The following PCNX2 variants were observed in gnomAD, a reference collection of about 807,000 sequenced individuals.
PCNX2 encodes pecanex-like protein 2.
In PCNX2, 168 loss-of-function variants were observed where a neutral mutation model predicts 223.8. The ratio of observed to expected loss-of-function variants is 0.75; its 90% CI spans 0.66 to 0.85. The LOEUF is 0.85. PCNX2 is among the 40% of genes least tolerant of loss of function. The probability of loss-of-function intolerance (pLI) is 0.00; values close to 1 mark genes in which losing one functional copy is unlikely to be tolerated. For synonymous variants in PCNX2, 1,006 were observed against 1,052.6 expected (o/e 0.96, Z 0.86); for missense variants, 2,507 against 2,675.5 (o/e 0.94, Z 1.39).
intron 28 of PCNX2, among the ~76,000 whole-genome samples, chr1:233,013,868 T>C (rs1341207778): frequency 6.6e-6 from 1 of 152,156 alleles, no homozygotes; most frequent in Non-Finnish European, 1.5e-5. Flanking sequence ...TTTAAAAGCC[T>C]GACAGGAGGT....
rs1421123742 is a variant in PCNX2, at chr1:233,259,063, G to A, written c.799C>T (p.Leu267=). The change falls in exon 5 of 34, where the codon CTA becomes TTA. Residue 267 remains leucine, a synonymous_variant. Coordinates refer to ENST00000258229, the MANE Select transcript of PCNX2 (RefSeq NM_014801.4). Reference sequence around the variant, plus strand: ...GGCTGGAAAGAAACGTCTGTTTCTAGTAAGTCATACTGAGACAAAGACAGG... The same window carrying A: ...GGCTGGAAAGAAACGTCTGTTTCTAATAAGTCATACTGAGACAAAGACAGG... ...PHLSLSQYDL[L]ETDVSFQPWG... 4 of 1,613,992 alleles carry A rather than the reference G, an allele frequency of 2.5e-6. No homozygotes were observed. Among genetic ancestry groups the A allele is most frequent in the African/African-American group, 1.3e-5 (1 of 75,058 alleles).
In PCNX2 at chr1:232,999,160, C is replaced by G. The variant is rs1669980267; in HGVS notation, c.5548G>C (p.Gly1850Arg). 5.6e-6 allele frequency: 9 copies of G among 1,613,788 alleles called. No homozygotes were observed. The highest frequency in any genetic ancestry group is 7.6e-6 in the Non-Finnish European group (9 of 1,179,862). Reference protein sequence around the residue: ...GTHRQLKNIWGGPITLDRIRT... With the variant: ...GTHRQLKNIWRGPITLDRIRT... ...ATTCTGTCCAAAGTGATGGGTCCACCCCAGATGTTCTTCAGCTGCCTGTGT... is the reference window on the plus strand; with the variant it reads ...ATTCTGTCCAAAGTGATGGGTCCACGCCAGATGTTCTTCAGCTGCCTGTGT... The change falls in exon 31 of 34, where the codon GGT (glycine) becomes CGT (arginine). Residue 1850 changes from glycine (G) to arginine (R), a missense_variant. By Grantham distance (125) the Gly-to-Arg change is moderately radical. Transcript: ENST00000258229.
rs552339354 is a variant in PCNX2 at position 233,026,100 on chromosome 1, A to C, written c.4352-701T>G. Reference sequence around the variant, plus strand: ...TCAGGTTAAAGAAGACAGACACAAAAAAATAATAATAAAGCAAAAAAGGTC... The same window carrying C: ...TCAGGTTAAAGAAGACAGACACAAACAAATAATAATAAAGCAAAAAAGGTC... On this transcript the variant is annotated intron_variant, in intron 25 of 33. Transcript: ENST00000258229. Among the ~76,000 whole-genome samples, 7 of 152,316 alleles carry C rather than the reference A, an allele frequency of 4.6e-5. No homozygotes were observed. In the East Asian group the frequency reaches 1.4e-3, roughly 29 times the overall value.
At chr1:233,185,131 A>T (rs1395172060) in intron 15 of PCNX2, among the ~76,000 whole-genome samples, 1 of 129,636 alleles carries the variant, frequency 7.7e-6, no homozygotes, top group East Asian at 2.4e-4. Flanking sequence ...ACACACACAC[A>T]TCCCTCAGAT....
chr1:233,114,858 T>A (rs1675315562), intron 21 of PCNX2, among the ~76,000 whole-genome samples: 2 of 152,078 alleles, frequency 1.3e-5, no homozygotes, highest in African/African-American at 4.8e-5. Flanking sequence ...GGCACCACGG[T>A]CTTAGGGAAG....
At chr1:233,133,043 G>A (rs1558265657) in intron 21 of PCNX2, among the ~76,000 whole-genome samples, 1 of 151,798 alleles carries the variant, frequency 6.6e-6, no homozygotes, top group Non-Finnish European at 1.5e-5. Flanking sequence ...AGGCTACAGG[G>A]GCATGCCACT....
In PCNX2 at chr1:232,990,250, T is replaced by C. The variant is rs1669646219; in HGVS notation, c.5792-3710A>G. ...CCAGGCAGAGCCGCCCCTCCCGTTGTGGTAGCCTCCTTCTTGGGCTTGCTC... is the reference window on the plus strand; with the variant it reads ...CCAGGCAGAGCCGCCCCTCCCGTTGCGGTAGCCTCCTTCTTGGGCTTGCTC... On this transcript the variant is annotated intron_variant, in intron 32 of 33. Coordinates refer to ENST00000258229, the MANE Select transcript of PCNX2 (RefSeq NM_014801.4). The surrounding 1 kb of genome is among the most constrained non-coding windows in gnomAD (Gnocchi z 4.3). Among the ~76,000 whole-genome samples the C allele has an allele frequency of 6.6e-6, 1 of 152,162 alleles. No individual in the cohort carries two copies. The highest frequency in any genetic ancestry group is 6.5e-5 in the Admixed American group (1 of 15,272).
At chr1:233,103,012 T>C (rs983513023) in intron 21 of PCNX2, among the ~76,000 whole-genome samples, 25 of 152,100 alleles carry the variant, frequency 1.6e-4, no homozygotes, top group Non-Finnish European at 3.4e-4. Context: ...TCTTATATTA[T>C]TTAAGTCTTT....
rs1026946217 is a variant in PCNX2 at position 233,110,094 on chromosome 1, A to C, written c.3838-14231T>G. ...ACAGAGGGAGACCCTGTCTCAAAAA[A>C]TAAAAAAAATTAAAAAAAGGAAGAT... On this transcript the variant is annotated intron_variant, in intron 21 of 33. Coordinates refer to ENST00000258229, the MANE Select transcript of PCNX2 (RefSeq NM_014801.4). Among the ~76,000 whole-genome samples the C allele has an allele frequency of 6.5e-4, 99 of 152,342 alleles. 2 individuals are homozygous for C. The highest frequency in any genetic ancestry group is 2.2e-4 in the Non-Finnish European group (15 of 68,042).
Position 233,293,991 on chromosome 1 carries a change from T to A in PCNX2, c.153+1335A>T, listed in dbSNP as rs961454284. On this transcript the variant is annotated intron_variant, in intron 1 of 33. Coordinates refer to ENST00000258229, the MANE Select transcript of PCNX2 (RefSeq NM_014801.4). ...GGAGAATCAGAAAGAAGAAATAAAC[T>A]TGCATTTATTGCAGGGTTTCCAAGC... 11 of 985,172 alleles carry A rather than the reference T, an allele frequency of 1.1e-5. No homozygotes were observed. In the African/African-American group the frequency reaches 1.9e-4, roughly 17 times the overall value. The allele number at this position is 985,172 out of a possible 1,614,324, so 61.0% of individuals were successfully genotyped here. A position where few individuals can be genotyped will look rare whatever the true frequency, so the allele number is the denominator to read the frequency against.
chr1:233,131,455 A>C (rs999753113), intron 21 of PCNX2, among the ~76,000 whole-genome samples: 1 of 152,224 alleles, frequency 6.6e-6, no homozygotes, highest in Non-Finnish European at 1.5e-5. Flanking sequence ...GAATCTTTAC[A>C]GGGGACCTTA....
At chr1:233,297,787 G>T (rs767305348), upstream of PCNX2, among the ~76,000 whole-genome samples, 6 of 152,150 alleles carry the variant, frequency 3.9e-5, no homozygotes, top group Non-Finnish European at 7.3e-5. Context: ...GAAGGCTGAA[G>T]CATGCATGTG....
At chr1:233,168,072 A>G (rs1045149468) in intron 17 of PCNX2, among the ~76,000 whole-genome samples, 5 of 152,246 alleles carry the variant, frequency 3.3e-5, no homozygotes, top group African/African-American at 1.2e-4. Context: ...TAAATGTCCT[A>G]TGTCTTAATA....
At chr1:233,177,921 C>G in intron 16 of PCNX2, 23 bp from the exon 17 acceptor site, 7 of 1,582,474 alleles carry the variant, frequency 4.4e-6, no homozygotes, top group Non-Finnish European at 6.1e-6. Flanking sequence ...AAACACAATA[C>G]TTCATCAAAG....
At chr1:233,078,423 T>A (rs1673198737) in intron 23 of PCNX2, among the ~76,000 whole-genome samples, 1 of 152,214 alleles carries the variant, frequency 6.6e-6, no homozygotes, top group Admixed American at 6.5e-5. Context: ...CAATGTAAAT[T>A]TAAAAGCTGC....
chr1:233,156,441 C>T (rs1678129244), intron 19 of PCNX2, among the ~76,000 whole-genome samples: 1 of 152,188 alleles, frequency 6.6e-6, no homozygotes, highest in African/African-American at 2.4e-5. Flanking sequence ...TTGTGAGCCT[C>T]CCTCTCTACA....
At chr1:233,047,371 A>G (rs77045471) in intron 25 of PCNX2, 38,578 of 984,530 alleles carry the variant, frequency 0.039, 821 homozygotes, top group East Asian at 0.081. Flanking sequence ...AAATTCTAAG[A>G]TCTCATTAAC....
Position 233,000,442 on chromosome 1 carries a change from C to T in PCNX2, c.5191G>A (p.Gly1731Ser). Residue 1731 changes from glycine (G) to serine (S), a missense_variant, in exon 30 of 34, where the codon GGC becomes AGC. Physicochemically the swap from Gly to Ser is moderately conservative, Grantham distance 56. Around this residue, in one of 3 missense-constraint regions of PCNX2, gnomAD observed 1,372 missense variants for 1,509.4 expected, o/e 0.91. Coordinates refer to ENST00000258229, the MANE Select transcript of PCNX2 (RefSeq NM_014801.4). This position sits in a 1 kb window ranked among gnomAD's most constrained non-coding sequence, Gnocchi z 4.6. ...ACTGCGCCCCGCCAGGCCGGGTCGC[C>T]CTCGTGGCAGATGACCACCTTCTTC... ...FEKKVVICHEGDPAWRGAVLS... is the reference protein window; with the variant it reads ...FEKKVVICHESDPAWRGAVLS... 4 of 1,598,994 alleles carry T rather than the reference C, an allele frequency of 2.5e-6. No homozygotes were observed. Among genetic ancestry groups the T allele is most frequent in the Non-Finnish European group, 3.4e-6 (4 of 1,171,308 alleles).
Position 233,139,732 on chromosome 1 carries a change from T to C in PCNX2, c.3641A>G (p.His1214Arg), listed in dbSNP as rs1210619282. The C allele has an allele frequency of 1.9e-6, 3 of 1,605,090 alleles. No individual in the cohort carries two copies. In the African/African-American group the frequency reaches 4.0e-5, roughly 21 times the overall value. The change falls in exon 20 of 34, where the codon CAC (histidine) becomes CGC (arginine). Residue 1214 changes from histidine (H) to arginine (R), a missense_variant. By Grantham distance (29) the His-to-Arg change is conservative (BLOSUM62 0). Transcript: ENST00000258229. The surrounding 1 kb of genome is among the most constrained non-coding windows in gnomAD (Gnocchi z 4.4). ...LTIDAFLISN[H>R]RRLGTHWDIF... ...CACTTACTGGGTACCAAGTCTCCGG[T>C]GATTGCTTATTAAAAATGCATCAAT...
Sources: allele counts gnomAD v4.1 joint callset (sites outside exome capture counted in the v4.1 genomes callset), GRCh38; gene constraint gnomAD v4.1.1; regional missense constraint gnomAD v4.1.1; non-coding constraint Gnocchi (gnomAD v3.1); transcripts MANE v1.5; gene names NCBI Gene and HGNC (gene_info 2026-07-23, HGNC 2026-07-21).